TSC22D1: variants seen among roughly 807,000 people sequenced by gnomAD.
TSC22D1 encodes TSC22 domain family protein 1.
Under a neutral mutation model 74.2 loss-of-function variants are expected in TSC22D1, and 9 were observed. The ratio of observed to expected loss-of-function variants is 0.12; its 90% confidence interval spans 0.07 to 0.21. The LOEUF (loss-of-function observed/expected upper bound fraction) is 0.21, where lower values mean the gene tolerates loss of function less well. TSC22D1 is among the 10% of genes least tolerant of loss of function. The probability of loss-of-function intolerance (pLI) is 1.00; values close to 1 mark genes in which losing one functional copy is unlikely to be tolerated. For missense variants in TSC22D1, 1,427 were observed against 1,304.7 expected, an observed-to-expected ratio of 1.09 and a Z score of -1.44; for synonymous variants, 586 against 492.5, an observed-to-expected ratio of 1.19 and a Z score of -2.51.
chr13:44,486,600 T>C (rs1020556661), intron 1 of TSC22D1, among the ~76,000 whole-genome samples: 1 of 152,190 alleles, frequency 6.6e-6, no homozygotes, highest in African/African-American at 2.4e-5. Context: ...ATTTAAAAAC[T>C]TGACTGAATG....
chr13:44,454,843 G>A lies in TSC22D1; in HGVS notation c.2913-18748C>T, dbSNP rs991377968. On this transcript the variant is annotated intron_variant, in intron 1 of 2. Transcript: ENST00000458659. ...ACTATGAAAAGCAAAAAATACTTCT[G>A]CACTCTTATCATAACAGATGCTGTC... Among the ~76,000 whole-genome samples, 11 of 131,258 alleles carry A rather than the reference G, an allele frequency of 8.4e-5. No homozygotes were observed. The East Asian group carries it at 1.5e-3, about 18-fold the overall frequency. The allele number at this position is 131,258 out of a possible 152,430, so 86.1% of individuals were successfully genotyped here.
At chr13:44,454,343 T>A in intron 1 of TSC22D1, among the ~76,000 whole-genome samples, 1 of 152,160 alleles carries the variant, frequency 6.6e-6, no homozygotes, top group Non-Finnish European at 1.5e-5. Context: ...ACAGAAAGTA[T>A]TTTTTTAATG....
intron 1 of TSC22D1, among the ~76,000 whole-genome samples, chr13:44,440,191 G>A (rs1232748073): frequency 1.3e-5 from 2 of 152,208 alleles, no homozygotes; most frequent in African/African-American, 4.8e-5. Context: ...AAAACAAGAA[G>A]AAATGCCAAA....
At chr13:44,460,185 C>T (rs1003560999) in intron 1 of TSC22D1, among the ~76,000 whole-genome samples, 2 of 152,162 alleles carry the variant, frequency 1.3e-5, no homozygotes. Context: ...TAAGGTGAAG[C>T]CCTTGTGTTC....
chr13:44,435,830 A>C, intron 2 of TSC22D1: 1 of 593,394 alleles, frequency 1.7e-6, no homozygotes, highest in Non-Finnish European at 3.0e-6. Context: ...AGTCCGGGGA[A>C]GAAGACCATT....
intron 1 of TSC22D1, among the ~76,000 whole-genome samples, chr13:44,462,797 A>G (rs1448468485): frequency 1.3e-5 from 2 of 152,174 alleles, no homozygotes; most frequent in East Asian, 1.9e-4. Flanking sequence ...ATAAGTCATA[A>G]AACTAGAGTA....
rs1566186696 is a variant in TSC22D1 at position 44,574,486 on chromosome 13, A to C, written c.1589T>G (p.Ile530Ser). ...MDFGSTGPQS[I>S]PAVSIPQSIS... ...ACTCTGTGGTATACTAACTGCTGGA[A>C]TACTCTGTGGACCAGTGCTACCAAA... The change falls in exon 1 of 3, where the codon ATT becomes AGT. Residue 530 changes from isoleucine (I) to serine (S), a missense_variant. By Grantham distance (142) the Ile-to-Ser change is moderately radical. Coordinates refer to ENST00000458659, the MANE Select transcript of TSC22D1 (RefSeq NM_183422.4). 1 of 1,614,006 alleles carries C rather than the reference A, an allele frequency of 6.2e-7. No individual in the cohort carries two copies. Among genetic ancestry groups the C allele is most frequent in the Non-Finnish European group, 8.5e-7 (1 of 1,180,002 alleles).
intron 1 of TSC22D1, among the ~76,000 whole-genome samples, chr13:44,476,219 C>G (rs865917884): frequency 2.7e-4 from 41 of 152,220 alleles, no homozygotes; most frequent in African/African-American, 9.6e-4. Flanking sequence ...AAGTATTACT[C>G]CCAGTCTATC....
chr13:44,433,856 A>C lies in TSC22D1; in HGVS notation c.*770T>G, dbSNP rs1874266486. 1 of 863,818 alleles carries C rather than the reference A, an allele frequency of 1.2e-6. No individual in the cohort carries two copies. Among genetic ancestry groups the C allele is most frequent in the East Asian group, 3.2e-5 (1 of 31,164 alleles). 53.5% of individuals were successfully genotyped at this position (863,818 alleles called of 1,614,324 possible). The stretch of plus-strand genomic sequence containing the variant: ...TTGTCATGTAGCAGTTTTTATGTAG[A>C]TCTATATATAAAAGTCCACACCTCC... On this transcript the variant is annotated 3_prime_UTR_variant, in exon 3 of 3. Transcript: ENST00000458659.
In TSC22D1 at chr13:44,432,393, T is replaced by C. The variant is rs574722112; in HGVS notation, c.*2233A>G. The C allele has an allele frequency of 1.3e-5, 2 of 152,332 alleles. No individual in the cohort carries two copies. Among genetic ancestry groups the C allele is most frequent in the South Asian group, 4.1e-4 (2 of 4,830 alleles). 9.4% of individuals were successfully genotyped at this position (152,332 alleles called of 1,614,324 possible). ...GCTAGGGATTTCTATTCACTATAGT[T>C]TTTTCAAGGAAATGTAATTACTACG... On this transcript the variant is annotated 3_prime_UTR_variant, in exon 3 of 3. Coordinates refer to ENST00000458659, the MANE Select transcript of TSC22D1 (RefSeq NM_183422.4).
At chr13:44,477,601 A>T (rs1416709951) in intron 1 of TSC22D1, among the ~76,000 whole-genome samples, 1 of 150,098 alleles carries the variant, frequency 6.7e-6, no homozygotes, top group East Asian at 2.0e-4. Flanking sequence ...ATGAACCCTT[A>T]GATCAAGTGA....
intron 1 of TSC22D1, among the ~76,000 whole-genome samples, chr13:44,563,282 A>G (rs1305659863): frequency 1.3e-5 from 2 of 152,238 alleles, no homozygotes; most frequent in African/African-American, 2.4e-5. Context: ...AGAAGACAGG[A>G]AAGTGAATAC....
chr13:44,434,014 C>T lies in TSC22D1; in HGVS notation c.*612G>A, dbSNP rs1198829107. The T allele has an allele frequency of 8.5e-6, 13 of 1,533,924 alleles. No individual in the cohort carries two copies. Among genetic ancestry groups the T allele is most frequent in the Non-Finnish European group, 1.1e-5 (13 of 1,146,480 alleles). On this transcript the variant is annotated 3_prime_UTR_variant, in exon 3 of 3. Coordinates refer to ENST00000458659, the MANE Select transcript of TSC22D1 (RefSeq NM_183422.4). ...CAAAACAACCTTCATGGTAAGATAG[C>T]CTAGGTCCCAGCTACCTGTCACCAT... is the stretch of plus-strand genomic sequence containing the variant.
In TSC22D1 at chr13:44,573,862, A is replaced by T. The variant is rs1486490846; in HGVS notation, c.2213T>A (p.Ile738Lys). The change falls in exon 1 of 3, where the codon ATA becomes AAA. Residue 738 changes from isoleucine (I) to lysine (K), a missense_variant. Ile to Lys is a moderately radical substitution (Grantham distance 102). Coordinates refer to ENST00000458659, the MANE Select transcript of TSC22D1 (RefSeq NM_183422.4). Reference protein sequence around the residue: ...QIANIGQQANIPTAVQQPSTQ... With the variant: ...QIANIGQQANKPTAVQQPSTQ... ...AGAGGGCTGCTGCACTGCAGTAGGT[A>T]TGTTTGCTTGCTGACCAATATTTGC... 6.2e-7 allele frequency: 1 copy of T among 1,614,096 alleles called. No homozygotes were observed. Among genetic ancestry groups the T allele is most frequent in the Non-Finnish European group, 8.5e-7 (1 of 1,180,042 alleles).
At chr13:44,441,811 G>GT (rs1285412771) in intron 1 of TSC22D1, among the ~76,000 whole-genome samples, 2 of 152,020 alleles carry the variant, frequency 1.3e-5, no homozygotes, top group Admixed American at 1.3e-4. Flanking sequence ...TAAAAGAAAG[G>GT]TTTATAGGGA....
chr13:44,489,528 C>T (rs1878605174), intron 1 of TSC22D1, among the ~76,000 whole-genome samples: 1 of 151,686 alleles, frequency 6.6e-6, no homozygotes, highest in East Asian at 1.9e-4. Context: ...AAATAAACCA[C>T]TAGAAAAATA....
intron 1 of TSC22D1, among the ~76,000 whole-genome samples, chr13:44,441,349 C>T (rs1018804348): frequency 6.6e-6 from 1 of 152,150 alleles, no homozygotes; most frequent in Non-Finnish European, 1.5e-5. Flanking sequence ...TCTAATGGAA[C>T]AATTAGATAA....
At chr13:44,505,819 A>G (rs957768013) in intron 1 of TSC22D1, among the ~76,000 whole-genome samples, 4 of 152,236 alleles carry the variant, frequency 2.6e-5, no homozygotes, top group African/African-American at 9.6e-5. Flanking sequence ...AAAGAAGAAT[A>G]AGACATTTCT....
At chr13:44,522,898 TAGG>T (rs1474062684) in intron 1 of TSC22D1, among the ~76,000 whole-genome samples, 1 of 151,580 alleles carries the variant, frequency 6.6e-6, no homozygotes, top group African/African-American at 2.4e-5. Context: ...AGCCACAGAC[TAGG>T]AGAAAATATT....
Sources: allele counts gnomAD v4.1 joint callset (sites outside exome capture counted in the v4.1 genomes callset), GRCh38; gene constraint gnomAD v4.1.1; transcripts MANE v1.5; gene names NCBI Gene and HGNC (gene_info 2026-07-23, HGNC 2026-07-21).